CHST11: variants seen among roughly 807,000 people sequenced by gnomAD.
The protein encoded by CHST11 is carbohydrate sulfotransferase 11, also known as C4S-1.
In CHST11, 9 loss-of-function variants were observed where a neutral mutation model predicts 30.4. That is an observed-to-expected ratio of 0.30 (90% CI 0.18 to 0.52). The LOEUF (loss-of-function observed/expected upper bound fraction) is 0.52, where lower values mean the gene tolerates loss of function less well. CHST11 is among the 20% of genes least tolerant of loss of function. The pLI is 0.97. For missense variants in CHST11, 348 were observed against 460.6 expected (o/e 0.76, Z 2.24); for synonymous variants, 152 against 187.8 (o/e 0.81, Z 1.56).
intron 2 of CHST11, among the ~76,000 whole-genome samples, chr12:104,749,374 A>G (rs1018448903): frequency 6.6e-6 from 1 of 152,224 alleles, no homozygotes; most frequent in Non-Finnish European, 1.5e-5. Flanking sequence ...GAGATTCTAA[A>G]TCCCAGCCCT....
chr12:104,746,907 C>T (rs1487442250), intron 2 of CHST11, among the ~76,000 whole-genome samples: 2 of 152,178 alleles, frequency 1.3e-5, no homozygotes, highest in Admixed American at 6.5e-5. Context: ...CCTTCTAGAC[C>T]TTTGACCCCT....
intron 1 of CHST11, among the ~76,000 whole-genome samples, chr12:104,531,972 G>A (rs913033734): frequency 4.6e-5 from 7 of 152,226 alleles, no homozygotes; most frequent in African/African-American, 1.7e-4. Flanking sequence ...GAGGGATTAA[G>A]TCACTTGCCC....
At chr12:104,603,626 C>T (rs2038977335) in intron 2 of CHST11, among the ~76,000 whole-genome samples, 2 of 152,190 alleles carry the variant, frequency 1.3e-5, no homozygotes, top group African/African-American at 2.4e-5. Flanking sequence ...CTAAAACTCT[C>T]CCTGGAATGT....
chr12:104,563,530 A>G (rs2038533877), intron 1 of CHST11, among the ~76,000 whole-genome samples: 1 of 152,220 alleles, frequency 6.6e-6, no homozygotes, highest in Non-Finnish European at 1.5e-5. Flanking sequence ...CCATCAGCTT[A>G]AAAACTTTTT....
At chr12:104,467,249 G>C (rs952257156) in intron 1 of CHST11, among the ~76,000 whole-genome samples, 2 of 152,186 alleles carry the variant, frequency 1.3e-5, no homozygotes, top group Non-Finnish European at 2.9e-5. Context: ...AGGTTAGATG[G>C]AGTTGTTTGT....
intron 2 of CHST11, among the ~76,000 whole-genome samples, chr12:104,632,629 C>T (rs1408373017): frequency 6.6e-6 from 1 of 152,222 alleles, no homozygotes; most frequent in Non-Finnish European, 1.5e-5. Context: ...ATGGGTTCCT[C>T]CATCCGCTCA....
rs1752117220 is a variant in CHST11, at chr12:104,760,552, T to C, written c.*2749T>C. On this transcript the variant is annotated 3_prime_UTR_variant, in exon 3 of 3. Coordinates refer to ENST00000303694, the MANE Select transcript of CHST11 (RefSeq NM_018413.6). ...AGTTTCATAGTTTGGAATCGTTCACTGTGTGCTTTTTGGGGGGTTTTCAAT... is the reference window on the plus strand; with the variant it reads ...AGTTTCATAGTTTGGAATCGTTCACCGTGTGCTTTTTGGGGGGTTTTCAAT... The C allele has an allele frequency of 6.6e-6, 1 of 152,288 alleles. No individual in the cohort carries two copies. Among genetic ancestry groups the C allele is most frequent in the Admixed American group, 6.5e-5 (1 of 15,288 alleles). 9.4% of individuals were successfully genotyped at this position (152,288 alleles called of 1,614,324 possible). A position where few individuals can be genotyped will look rare whatever the true frequency, so the allele number is the denominator to read the frequency against.
At chr12:104,645,198 C>T (rs996886409) in intron 2 of CHST11, among the ~76,000 whole-genome samples, 20 of 152,298 alleles carry the variant, frequency 1.3e-4, no homozygotes, top group African/African-American at 4.1e-4. Flanking sequence ...CTGCCCACCT[C>T]GGCCTCCCAA....
chr12:104,472,140 T>C (rs1410544999), intron 1 of CHST11, among the ~76,000 whole-genome samples: 4 of 133,924 alleles, frequency 3.0e-5, no homozygotes, highest in African/African-American at 1.0e-4. Flanking sequence ...ATTTTTTTTT[T>C]CTTTTTTTTT....
At chr12:104,522,219 G>A (rs1160088817) in intron 1 of CHST11, among the ~76,000 whole-genome samples, 4 of 152,120 alleles carry the variant, frequency 2.6e-5, no homozygotes, top group African/African-American at 9.7e-5. Flanking sequence ...CGAACTTCCT[G>A]GGAAAGCCTA....
At chr12:104,684,168 G>A (rs2695995) in intron 2 of CHST11, among the ~76,000 whole-genome samples, 99,325 of 152,092 alleles carry the variant, frequency 0.65, 32,525 homozygotes, top group East Asian at 0.85. Context: ...GTGCGTAGAC[G>A]CATGGGTGTG....
chr12:104,704,476 G>T (rs1375283786), intron 2 of CHST11, among the ~76,000 whole-genome samples: 1 of 152,156 alleles, frequency 6.6e-6, no homozygotes, highest in Non-Finnish European at 1.5e-5. Context: ...TTCTGCCCAG[G>T]CATTCTGGGA....
rs191231249 is a variant in CHST11, at chr12:104,667,926, G to C, written c.204+65935G>C. 7.2e-4 allele frequency among the ~76,000 whole-genome samples: 110 copies of C among 152,332 alleles called. 1 individual carries two copies. The highest frequency in any genetic ancestry group is 2.1e-4 in the Non-Finnish European group (14 of 68,030). On this transcript the variant is annotated intron_variant, in intron 2 of 2. Coordinates refer to ENST00000303694, the MANE Select transcript of CHST11 (RefSeq NM_018413.6). ...GAGTTCATGGTTTTTAAAATCCTCA[G>C]AGATGATTTGTGTGCCTAGTCAGGA...
At chr12:104,635,235 T>C (rs2039312037) in intron 2 of CHST11, among the ~76,000 whole-genome samples, 1 of 152,118 alleles carries the variant, frequency 6.6e-6, no homozygotes, top group African/African-American at 2.4e-5. Context: ...ATGTCCAAGC[T>C]TTGTATGTAG....
chr12:104,601,948 AGGG>A lies in CHST11; in HGVS notation c.163_165del (p.Gly55del). 1 of 1,613,956 alleles carries A rather than the reference AGGG, an allele frequency of 6.2e-7. No homozygotes were observed. Among genetic ancestry groups the A allele is most frequent in the Non-Finnish European group, 8.5e-7 (1 of 1,180,006 alleles). On this transcript the variant is annotated inframe_deletion, in exon 2 of 3. Coordinates refer to ENST00000303694, the MANE Select transcript of CHST11 (RefSeq NM_018413.6). ...TTTGGTGTGGACATCTGCTGCCGGA[AGGG>A]GTCCCGAAGCCCCCTGCAGGAACTC...
intron 2 of CHST11, among the ~76,000 whole-genome samples, chr12:104,653,370 G>A (rs745416996): frequency 1.3e-5 from 2 of 152,066 alleles, no homozygotes; most frequent in African/African-American, 4.8e-5. Context: ...TATGTACTGC[G>A]TTTTCTTTCT....
intron 2 of CHST11, among the ~76,000 whole-genome samples, chr12:104,613,138 G>A (rs1297876548): frequency 6.6e-6 from 1 of 151,866 alleles, no homozygotes; most frequent in East Asian, 1.9e-4. Context: ...GGGAGGTCAG[G>A]TTGAGGCTGC....
intron 1 of CHST11, among the ~76,000 whole-genome samples, chr12:104,486,384 C>A (rs1473903830): frequency 1.3e-5 from 2 of 151,488 alleles, no homozygotes; most frequent in African/African-American, 4.9e-5. Flanking sequence ...GGACAGGAAT[C>A]GGGGAATGCA....
chr12:104,581,938 C>T (rs906337668), intron 1 of CHST11, among the ~76,000 whole-genome samples: 5 of 152,142 alleles, frequency 3.3e-5, no homozygotes, highest in African/African-American at 1.2e-4. Context: ...ACAAACACTC[C>T]ATCCAGGAGT....
Sources: allele counts gnomAD v4.1 joint callset (sites outside exome capture counted in the v4.1 genomes callset), GRCh38; gene constraint gnomAD v4.1.1; transcripts MANE v1.5; gene names NCBI Gene and HGNC (gene_info 2026-07-23, HGNC 2026-07-21).